Variants in ZNF569 observed in about 807,000 individuals in gnomAD.
The protein encoded by ZNF569 is DNA-binding protein.
A neutral mutation model predicts 56.3 loss-of-function variants in ZNF569; 38 were observed. That is an observed-to-expected ratio of 0.68 (90% confidence interval 0.52 to 0.88). The LOEUF is 0.88. Among genes scored for constraint, ZNF569 ranks in the 40% least tolerant of loss-of-function variants. The pLI is 0.00. For synonymous variants in ZNF569, 241 were observed against 262.9 expected, an observed-to-expected ratio of 0.92 and a Z score of 0.81; for missense variants, 666 against 809.2, an observed-to-expected ratio of 0.82 and a Z score of 2.15.
chr19:37,415,730 A>T (rs2040919036), intron 5 of ZNF569, among the ~76,000 whole-genome samples: 1 of 139,934 alleles, frequency 7.1e-6, no homozygotes, highest in African/African-American at 2.8e-5. Flanking sequence ...AAAAAAAAAA[A>T]TTAGCTGGGC....
intron 2 of ZNF569, among the ~76,000 whole-genome samples, chr19:37,449,165 CTA>C (rs1422525412): frequency 2.6e-5 from 4 of 152,174 alleles, no homozygotes; most frequent in Admixed American, 2.0e-4. Context: ...TTTTATTCTG[CTA>C]TGTTCTGAGA....
chr19:37,422,429 A>G (rs1028879116), intron 5 of ZNF569, among the ~76,000 whole-genome samples: 1 of 152,174 alleles, frequency 6.6e-6, no homozygotes, highest in African/African-American at 2.4e-5. Context: ...AGTAACATCA[A>G]AGATCACTGA....
intron 2 of ZNF569, among the ~76,000 whole-genome samples, chr19:37,459,753 C>T (rs989428954): frequency 6.6e-6 from 1 of 152,088 alleles, no homozygotes; most frequent in East Asian, 1.9e-4. Context: ...TAGGTGATTA[C>T]AGCACACGGA....
intron 2 of ZNF569, among the ~76,000 whole-genome samples, chr19:37,456,967 CAAAAAAA>C (rs560827115): frequency 1.8e-5 from 2 of 113,822 alleles, no homozygotes; most frequent in African/African-American, 6.7e-5. Flanking sequence ...GACACCGTCT[CAAAAAAA>C]AAAAAACAAA....
At chr19:37,423,783 G>T (rs1286755883) in intron 5 of ZNF569, among the ~76,000 whole-genome samples, 1 of 152,100 alleles carries the variant, frequency 6.6e-6, no homozygotes, top group Non-Finnish European at 1.5e-5. Flanking sequence ...ATGAAAAGAT[G>T]CTTGCCTTCA....
At chr19:37,420,230 T>C (rs915964476) in intron 5 of ZNF569, among the ~76,000 whole-genome samples, 2 of 151,994 alleles carry the variant, frequency 1.3e-5, no homozygotes, top group African/African-American at 4.8e-5. Context: ...CCTCGTGATC[T>C]GCCCACCTCG....
At chr19:37,419,765 T>G (rs1397010648) in intron 5 of ZNF569, among the ~76,000 whole-genome samples, 8 of 151,890 alleles carry the variant, frequency 5.3e-5, no homozygotes, top group Non-Finnish European at 1.2e-4. Context: ...CTATTACGTA[T>G]ATAACAGCAT....
intron 1 of ZNF569, 43 bp from the exon 2 acceptor site, chr19:37,465,516 T>A (rs1378993314): frequency 1.3e-5 from 2 of 150,076 alleles, no homozygotes; most frequent in Non-Finnish European, 2.9e-5. Context: ...TTAGAAAACA[T>A]ATAATTTACA....
At chr19:37,443,162 C>G (rs1381597076) in intron 3 of ZNF569, among the ~76,000 whole-genome samples, 1 of 152,158 alleles carries the variant, frequency 6.6e-6, no homozygotes, top group Non-Finnish European at 1.5e-5. Context: ...GCCTGGCCAA[C>G]AGGGTGAAAC....
In ZNF569 at chr19:37,413,118, T is replaced by C. The variant is rs1163820016; in HGVS notation, c.1540A>G (p.Lys514Glu). Residue 514 changes from lysine to glutamate, a missense_variant, in exon 6 of 6, where the codon AAA (lysine) becomes GAA (glutamate). Physicochemically the swap from Lys to Glu is moderately conservative, Grantham distance 56. Coordinates refer to ENST00000316950, the MANE Select transcript of ZNF569 (RefSeq NM_152484.3). ...TAAGGTTTCTCTCCAGTATGAACTT[T>C]TTGATGTGTAATGAAGTTTTGCTTT... ...SQKQNFITHQ[K>E]VHTGEKPYDC... The C allele has an allele frequency of 6.2e-7, 1 of 1,612,072 alleles. No individual in the cohort carries two copies. Among genetic ancestry groups the C allele is most frequent in the East Asian group, 2.2e-5 (1 of 44,850 alleles).
intron 2 of ZNF569, among the ~76,000 whole-genome samples, chr19:37,448,751 G>C (rs886896139): frequency 6.6e-5 from 10 of 151,838 alleles, no homozygotes; most frequent in South Asian, 4.2e-4. Context: ...TTTTAGTAGA[G>C]ACGGGGTTTC....
chr19:37,438,740 A>C (rs2041354154), intron 3 of ZNF569, among the ~76,000 whole-genome samples: 1 of 152,196 alleles, frequency 6.6e-6, no homozygotes, highest in Admixed American at 6.5e-5. Flanking sequence ...CAAAGCAAAA[A>C]TGGACAAATG....
intron 3 of ZNF569, 112 bp from the exon 4 acceptor site, chr19:37,426,490 A>G: frequency 1.7e-6 from 2 of 1,163,344 alleles, no homozygotes; most frequent in Non-Finnish European, 2.3e-6. Flanking sequence ...AAAGCCCATC[A>G]TATTAGCAGC....
At chr19:37,454,322 A>T (rs775181774) in intron 2 of ZNF569, among the ~76,000 whole-genome samples, 1 of 151,714 alleles carries the variant, frequency 6.6e-6, no homozygotes, top group Non-Finnish European at 1.5e-5. Context: ...GATTCTTGTT[A>T]TCTTGGTGGG....
rs781707726 is a variant in ZNF569 at position 37,464,746 on chromosome 19, A to G, written c.-44+567T>C. On this transcript the variant is annotated intron_variant, in intron 2 of 5. Transcript: ENST00000316950. ...CATGCATTTTTCAGAATGTATCCCC[A>G]TCATTAAGCAACACAATTGTAGCTT... Among the ~76,000 whole-genome samples, 26 of 152,260 alleles carry G rather than the reference A, an allele frequency of 1.7e-4. 1 individual carries two copies. The highest frequency in any genetic ancestry group is 3.4e-3 in the Middle Eastern group (1 of 294).
At chr19:37,430,435 T>C (rs1252718560) in intron 3 of ZNF569, among the ~76,000 whole-genome samples, 2 of 151,618 alleles carry the variant, frequency 1.3e-5, no homozygotes, top group South Asian at 2.1e-4. Context: ...AGTCAAAATG[T>C]TGAAAATAAA....
At chr19:37,429,297 T>C (rs541692026) in intron 3 of ZNF569, among the ~76,000 whole-genome samples, 1 of 152,336 alleles carries the variant, frequency 6.6e-6, no homozygotes, top group Admixed American at 6.5e-5. Flanking sequence ...CAATGCGACT[T>C]ACCAGAGTCG....
At chr19:37,463,287 G>A (rs1241629258) in intron 2 of ZNF569, among the ~76,000 whole-genome samples, 1 of 152,042 alleles carries the variant, frequency 6.6e-6, no homozygotes, top group Non-Finnish European at 1.5e-5. Context: ...ATACAACAGT[G>A]GTCCTATAAG....
intron 5 of ZNF569, among the ~76,000 whole-genome samples, chr19:37,418,103 AT>A (rs1432806576): frequency 3.4e-5 from 1 of 29,836 alleles, no homozygotes; most frequent in Admixed American, 4.5e-4. Flanking sequence ...TCCATCTCAA[AT>A]AATAATAATA....
Sources: gnomAD v4.1 joint callset for allele counts (sites outside exome capture counted in the v4.1 genomes callset) on GRCh38, gnomAD v4.1.1 for gene constraint, MANE v1.5 for transcripts, NCBI Gene and HGNC (gene_info 2026-07-23, HGNC 2026-07-21) for gene names.